The following PTPRD variants were observed in gnomAD, a reference collection of about 807,000 sequenced individuals.
The protein encoded by PTPRD is receptor-type tyrosine-protein phosphatase delta.
PTPRD carries 34 observed loss-of-function variants against 214.5 expected under a neutral mutation model. The ratio of observed to expected loss-of-function variants is 0.16; its 90% CI spans 0.12 to 0.21. The LOEUF is 0.21. PTPRD is among the 10% of genes least tolerant of loss of function. PTPRD has a pLI of 1.00. For missense variants in PTPRD, 2,545 were observed against 2,398.7 expected (o/e 1.06, Z -1.27); for synonymous variants, 1,128 against 845.7 (o/e 1.33, Z -5.79).
chr9:9,136,262 A>G (rs2099850688), intron 10 of PTPRD, among the ~76,000 whole-genome samples: 1 of 151,482 alleles, frequency 6.6e-6, no homozygotes. Context: ...TAAGTCTCTA[A>G]TTAACATCTT....
intron 8 of PTPRD, among the ~76,000 whole-genome samples, chr9:9,539,517 G>T (rs901084450): frequency 6.6e-6 from 1 of 151,970 alleles, no homozygotes; most frequent in South Asian, 2.1e-4. Context: ...TCTTCTTAGA[G>T]TCCTAGTTAG....
At chr9:10,333,706 T>A (rs1202941014) in intron 3 of PTPRD, among the ~76,000 whole-genome samples, 1 of 151,838 alleles carries the variant, frequency 6.6e-6, no homozygotes, top group Non-Finnish European at 1.5e-5. Context: ...GAAGAGTTTA[T>A]TTGATTCTTG....
chr9:10,508,712 G>A (rs1258951064), intron 2 of PTPRD, among the ~76,000 whole-genome samples: 9 of 152,122 alleles, frequency 5.9e-5, no homozygotes, highest in South Asian at 4.2e-4. Context: ...AACAAACACC[G>A]CATGTTCTCA....
intron 5 of PTPRD, among the ~76,000 whole-genome samples, chr9:9,843,201 C>T (rs2058737613): frequency 6.6e-6 from 1 of 152,034 alleles, no homozygotes; most frequent in Non-Finnish European, 1.5e-5. Flanking sequence ...CTGCTACTCA[C>T]TGTTCTAAAG....
chr9:10,258,279 C>CTTGA (rs112828710), intron 3 of PTPRD, among the ~76,000 whole-genome samples: 23,661 of 152,090 alleles, frequency 0.16, 1,919 homozygotes, highest in African/African-American at 0.2. Context: ...CAGCCCTCTA[C>CTTGA]TTCCCCGTGC....
chr9:10,464,583 G>A (rs368707480), intron 2 of PTPRD, among the ~76,000 whole-genome samples: 78 of 151,936 alleles, frequency 5.1e-4, no homozygotes, highest in African/African-American at 1.6e-3. Context: ...ACAGAATAAG[G>A]TACACCCCTA....
intron 10 of PTPRD, among the ~76,000 whole-genome samples, chr9:9,123,261 C>T (rs1291292054): frequency 6.6e-6 from 1 of 152,216 alleles, no homozygotes; most frequent in Non-Finnish European, 1.5e-5. Context: ...AAATGCAATT[C>T]TGGTATTGGA....
chr9:9,654,765 G>T (rs2096464640), intron 7 of PTPRD, among the ~76,000 whole-genome samples: 1 of 152,098 alleles, frequency 6.6e-6, no homozygotes, highest in Non-Finnish European at 1.5e-5. Context: ...CAAATATGTA[G>T]CACATTTATA....
At chr9:10,383,856 G>A (rs1249220439) in intron 2 of PTPRD, among the ~76,000 whole-genome samples, 3 of 151,722 alleles carry the variant, frequency 2.0e-5, no homozygotes, top group Non-Finnish European at 4.4e-5. Context: ...ATTTGGAAAT[G>A]GGAACATGAG....
chr9:8,693,840 T>C (rs929236317), intron 12 of PTPRD, among the ~76,000 whole-genome samples: 3 of 152,224 alleles, frequency 2.0e-5, no homozygotes, highest in African/African-American at 7.2e-5. Context: ...ACAGAACAAC[T>C]TGCGTTGCTT....
chr9:9,460,552 A>C (rs146043313), intron 8 of PTPRD, among the ~76,000 whole-genome samples: 286 of 152,124 alleles, frequency 1.9e-3, no homozygotes, highest in African/African-American at 6.5e-3. Flanking sequence ...AAAGGACATA[A>C]AAATGGCAGC....
At chr9:10,008,658 G>C (rs1432962150) in intron 4 of PTPRD, among the ~76,000 whole-genome samples, 1 of 151,692 alleles carries the variant, frequency 6.6e-6, no homozygotes, top group Non-Finnish European at 1.5e-5. Context: ...TCAAGTGTCT[G>C]CTTCTGGTTT....
At chr9:10,463,052 T>G (rs2098969846) in intron 2 of PTPRD, among the ~76,000 whole-genome samples, 1 of 151,400 alleles carries the variant, frequency 6.6e-6, no homozygotes, top group Admixed American at 6.6e-5. Context: ...CAAATGATGT[T>G]TTTCTGTTGC....
intron 14 of PTPRD, among the ~76,000 whole-genome samples, chr9:8,552,039 C>T (rs977166279): frequency 4.6e-5 from 7 of 152,262 alleles, no homozygotes; most frequent in Non-Finnish European, 7.4e-5. Context: ...TGCCCCCATA[C>T]CCACCATATA....
At chr9:8,811,199 A>G (rs1471020775) in intron 11 of PTPRD, among the ~76,000 whole-genome samples, 1 of 152,178 alleles carries the variant, frequency 6.6e-6, no homozygotes. Flanking sequence ...GATCTCACTC[A>G]TGGACTCCAT....
chr9:9,377,950 C>A (rs1389330735), intron 9 of PTPRD, among the ~76,000 whole-genome samples: 1 of 151,974 alleles, frequency 6.6e-6, no homozygotes, highest in Non-Finnish European at 1.5e-5. Flanking sequence ...AGGTTTACAG[C>A]AACATTGAGA....
rs1285109130 is a variant in PTPRD at position 8,521,410 on chromosome 9, C to T, written c.828G>A (p.Leu276=). 2 of 1,613,894 alleles carry T rather than the reference C, an allele frequency of 1.2e-6. No homozygotes were observed. The highest frequency in any genetic ancestry group is 1.7e-6 in the Non-Finnish European group (2 of 1,179,938). The part of the protein sequence containing the change: ...YVKWMLGAED[L]TPEDDMPIGR... ...CTATTGGCATATCATCTTCAGGTGT[C>T]AGATCTTCTGCCCCCAACATCCACT... Residue 276 remains leucine, a synonymous_variant, in exon 20 of 46, where the codon CTG becomes CTA. Transcript: ENST00000381196.
intron 10 of PTPRD, among the ~76,000 whole-genome samples, chr9:9,024,841 C>T (rs1389289891): frequency 6.6e-6 from 1 of 151,688 alleles, no homozygotes; most frequent in Non-Finnish European, 1.5e-5. Context: ...ATTTAAAAGA[C>T]CAATAATGAG....
intron 3 of PTPRD, among the ~76,000 whole-genome samples, chr9:10,101,383 G>T (rs751062614): frequency 4.6e-5 from 7 of 151,680 alleles, no homozygotes; most frequent in Non-Finnish European, 1.0e-4. Context: ...TCCTTTCACT[G>T]CTAATATAGT....
Sources: allele counts gnomAD v4.1 joint callset (sites outside exome capture counted in the v4.1 genomes callset), GRCh38; gene constraint gnomAD v4.1.1; transcripts MANE v1.5; gene names NCBI Gene and HGNC (gene_info 2026-07-23, HGNC 2026-07-21).